The following RRAGB variants were observed in gnomAD, a reference collection of about 807,000 sequenced individuals.
RRAGB encodes ras-related GTP-binding protein B.
A neutral mutation model predicts 29.3 loss-of-function variants in RRAGB; 6 were observed. That is an observed-to-expected ratio of 0.21 (90% confidence interval 0.11 to 0.40). The LOEUF (loss-of-function observed/expected upper bound fraction) is 0.40, where lower values mean the gene tolerates loss of function less well. RRAGB is among the 10% of genes least tolerant of loss of function. RRAGB has a pLI of 1.00. For missense variants in RRAGB, 184 were observed against 272.9 expected (o/e 0.67, Z 2.29); for synonymous variants, 101 against 92.5 (o/e 1.09, Z -0.53).
At chrX:55,749,367 G>T (rs1264437723) in intron 5 of RRAGB, among the ~76,000 whole-genome samples, 1 of 97,780 alleles carries the variant, frequency 1.0e-5, no homozygotes, top group East Asian at 3.5e-4. Flanking sequence ...GGAGGTGGGG[G>T]GGTCAGCCCC....
chrX:55,738,385 A>G (rs1400518224), intron 5 of RRAGB, among the ~76,000 whole-genome samples: 1 of 111,950 alleles, frequency 8.9e-6, no homozygotes, highest in Non-Finnish European at 1.9e-5. Context: ...TGTTGAGTGG[A>G]TCTGGACCAA....
chrX:55,744,148 G>A (rs1268070281), intron 5 of RRAGB, among the ~76,000 whole-genome samples: 1 of 109,587 alleles, frequency 9.1e-6, no homozygotes, highest in African/African-American at 3.3e-5. Flanking sequence ...CAGCTCTTTG[G>A]GAGGCTGAGG....
At chrX:55,755,486 ATTTG>A in intron 7 of RRAGB, 6 of 740,515 alleles carry the variant, frequency 8.1e-6, no homozygotes, top group Non-Finnish European at 9.6e-6. Context: ...AGGAATTTTT[ATTTG>A]TTTTTCTTTT....
At chrX:55,718,527 AT>A in intron 1 of RRAGB, 108 bp downstream of exon 1, 1 of 482,125 alleles carries the variant, frequency 2.1e-6, no homozygotes, top group Non-Finnish European at 3.4e-6. Context: ...AATTGCTTTG[AT>A]TTACCAGTAA....
At chrX:55,747,427 AG>A (rs757728015) in intron 5 of RRAGB, among the ~76,000 whole-genome samples, 76 of 111,814 alleles carry the variant, frequency 6.8e-4, no homozygotes, top group African/African-American at 2.2e-3. Flanking sequence ...CTGCAGCTAT[AG>A]GGGGTAAGAG....
At chrX:55,726,150 T>TA (rs2033465204) in intron 3 of RRAGB, among the ~76,000 whole-genome samples, 1 of 24,021 alleles carries the variant, frequency 4.2e-5, no homozygotes, top group South Asian at 4.6e-3. Context: ...AAGGAAAATG[T>TA]TAAAAAAAAA....
chrX:55,730,107 A>G (rs926366264), intron 4 of RRAGB, among the ~76,000 whole-genome samples: 1 of 112,533 alleles, frequency 8.9e-6, no homozygotes, highest in Non-Finnish European at 1.9e-5. Flanking sequence ...GATAATTTAT[A>G]CAAAGTTGCA....
At chrX:55,722,856 T>C (rs545663144) in intron 3 of RRAGB, among the ~76,000 whole-genome samples, 65 of 111,496 alleles carry the variant, frequency 5.8e-4, no homozygotes, top group South Asian at 1.1e-3. Context: ...TGGGCTGCCA[T>C]GGACAGTGAA....
At chrX:55,739,845 CTTA>C (rs1383504571) in intron 5 of RRAGB, among the ~76,000 whole-genome samples, 1 of 112,120 alleles carries the variant, frequency 8.9e-6, no homozygotes, top group Non-Finnish European at 1.9e-5. Flanking sequence ...GATTAATCAT[CTTA>C]TTATTTTCTA....
At chrX:55,729,496 G>A in intron 4 of RRAGB, 136 bp downstream of exon 4, 1 of 417,916 alleles carries the variant, frequency 2.4e-6, no homozygotes, top group South Asian at 5.0e-5. Flanking sequence ...ATTGACACTT[G>A]AGTCAATAAA....
chrX:55,740,280 G>A (rs1029904508), intron 5 of RRAGB, among the ~76,000 whole-genome samples: 4 of 109,821 alleles, frequency 3.6e-5, no homozygotes, highest in Non-Finnish European at 5.7e-5. Flanking sequence ...CCCAGATAGC[G>A]CCACTGCAGT....
chrX:55,743,058 G>T (rs2034134661), intron 5 of RRAGB, among the ~76,000 whole-genome samples: 1 of 111,426 alleles, frequency 9.0e-6, no homozygotes, highest in South Asian at 3.8e-4. Context: ...AAAACAAAAG[G>T]CCATTCTGCC....
Position 55,727,315 on chromosome X carries a change from C to T in RRAGB, c.227-1979C>T, listed in dbSNP as rs776557055. ...TTTCCATTTTTTTTTAGTACTAGAC[C>T]GTATACATAGTCTTCAAATTAATAG... On this transcript the variant is annotated intron_variant, in intron 3 of 9. Transcript: ENST00000374941. 6 of 1,155,226 alleles carry T rather than the reference C, an allele frequency of 5.2e-6. No homozygotes were observed. The Admixed American group carries it at 8.9e-5, about 17-fold the overall frequency.
intron 5 of RRAGB, among the ~76,000 whole-genome samples, chrX:55,737,146 C>A: frequency 9.0e-6 from 1 of 111,652 alleles, no homozygotes; most frequent in Non-Finnish European, 1.9e-5. Flanking sequence ...GTACTGAGGT[C>A]TTTACAGGGG....
At chrX:55,745,060 A>G (rs2034203255) in intron 5 of RRAGB, among the ~76,000 whole-genome samples, 1 of 112,016 alleles carries the variant, frequency 8.9e-6, no homozygotes, top group African/African-American at 3.3e-5. Flanking sequence ...GCACCCCTCA[A>G]AACTTCACTG....
At chrX:55,739,265 T>A (rs2033969771) in intron 5 of RRAGB, among the ~76,000 whole-genome samples, 1 of 112,650 alleles carries the variant, frequency 8.9e-6, no homozygotes, top group South Asian at 3.7e-4. Context: ...GCTGCTCCTG[T>A]GGCAAGAGCG....
Position 55,757,267 on chromosome X carries a change from T to G in RRAGB, c.879T>G (p.Ala293=). 8.4e-7 allele frequency: 1 copy of G among 1,196,126 alleles called. No homozygotes were observed. Among genetic ancestry groups the G allele is most frequent in the Non-Finnish European group, 1.1e-6 (1 of 883,937 alleles). ...QSMEVRNSNF[A]AFIDIFTSNT... is the part of the protein sequence containing the mutation. ...TGGAAGTCAGGAACTCTAACTTCGC[T>G]GCTTTCATTGACATCTTTACATCCA... is the stretch of plus-strand genomic sequence containing the variant. Residue 293 remains alanine (A), a synonymous_variant, in exon 9 of 10, where the codon GCT becomes GCG. Transcript: ENST00000374941.
At chrX:55,726,835 A>G (rs774034500) in intron 3 of RRAGB, among the ~76,000 whole-genome samples, 3 of 111,419 alleles carry the variant, frequency 2.7e-5, no homozygotes, top group Non-Finnish European at 5.7e-5. Context: ...GAGATTTGTA[A>G]TATATGTCAG....
At chrX:55,729,994 A>G (rs768327317) in intron 4 of RRAGB, among the ~76,000 whole-genome samples, 4 of 112,060 alleles carry the variant, frequency 3.6e-5, no homozygotes, top group Non-Finnish European at 5.6e-5. Flanking sequence ...TAGCTGTGTT[A>G]TCTTGGGTAA....
Sources: allele counts gnomAD v4.1 joint callset (sites outside exome capture counted in the v4.1 genomes callset), GRCh38; gene constraint gnomAD v4.1.1; transcripts MANE v1.5; gene names NCBI Gene and HGNC (gene_info 2026-07-23, HGNC 2026-07-21).